The following ROBO2 variants were observed in gnomAD, a reference collection of about 807,000 sequenced individuals.
ROBO2 encodes roundabout homolog 2.
A neutral mutation model predicts 160.8 loss-of-function variants in ROBO2; 53 were observed. That is an observed-to-expected ratio of 0.33 (90% CI 0.26 to 0.41). ROBO2 has a LOEUF of 0.41. ROBO2 is among the 10% of genes least tolerant of loss of function. The pLI, the probability that ROBO2 is intolerant of heterozygous loss-of-function variation, is 1.00. For synonymous variants in ROBO2, 664 were observed against 611.7 expected (o/e 1.09, Z -1.26); for missense variants, 1,577 against 1,722.4 (o/e 0.92, Z 1.49).
intron 2 of ROBO2, among the ~76,000 whole-genome samples, chr3:76,205,247 T>C (rs549012332): frequency 6.6e-6 from 1 of 152,340 alleles, no homozygotes; most frequent in African/African-American, 2.4e-5. Context: ...TATTATTTTG[T>C]ACCCGTGAGT....
intron 2 of ROBO2, among the ~76,000 whole-genome samples, chr3:76,344,113 AT>A (rs1431074666): frequency 1.3e-5 from 2 of 152,166 alleles, no homozygotes; most frequent in African/African-American, 4.8e-5. Context: ...CTTTAAAAAA[AT>A]AATTTCTACT....
At chr3:76,755,181 T>G (rs993880555) in intron 2 of ROBO2, among the ~76,000 whole-genome samples, 1 of 151,928 alleles carries the variant, frequency 6.6e-6, no homozygotes, top group Admixed American at 6.6e-5. Flanking sequence ...TTCTAATACA[T>G]ATTAAAATCT....
intron 2 of ROBO2, among the ~76,000 whole-genome samples, chr3:75,996,267 T>C (rs113767612): frequency 0.016 from 2,464 of 152,254 alleles, 65 homozygotes; most frequent in African/African-American, 0.056. Context: ...TGGGAGGCAA[T>C]TGAATCATGT....
At chr3:77,051,602 G>A (rs1468474963) in intron 1 of ROBO2, among the ~76,000 whole-genome samples, 2 of 152,196 alleles carry the variant, frequency 1.3e-5, no homozygotes, top group African/African-American at 2.4e-5. Context: ...TTTCTTTTCA[G>A]AAAGCAGTTT....
intron 2 of ROBO2, among the ~76,000 whole-genome samples, chr3:76,824,099 G>A (rs190301219): frequency 6.6e-6 from 1 of 152,132 alleles, no homozygotes; most frequent in African/African-American, 2.4e-5. Context: ...CATGGTCAAA[G>A]CTGGGTCACC....
chr3:77,299,657 A>G (rs796819932), intron 2 of ROBO2, among the ~76,000 whole-genome samples: 16 of 152,258 alleles, frequency 1.1e-4, no homozygotes, highest in African/African-American at 3.9e-4. Context: ...GTTCTCTTCC[A>G]TGATACGTGG....
intron 2 of ROBO2, among the ~76,000 whole-genome samples, chr3:76,140,870 G>GT (rs140873827): frequency 0.015 from 2,264 of 149,186 alleles, 59 homozygotes; most frequent in African/African-American, 0.052. Flanking sequence ...TATTGTATGT[G>GT]TTTTTTTCAA....
chr3:76,863,081 A>T (rs886459449), intron 2 of ROBO2, among the ~76,000 whole-genome samples: 1 of 152,140 alleles, frequency 6.6e-6, no homozygotes, highest in Non-Finnish European at 1.5e-5. Context: ...ATTTCTTATT[A>T]TAAAGGGCAA....
intron 2 of ROBO2, among the ~76,000 whole-genome samples, chr3:77,291,923 A>T (rs2061329804): frequency 6.6e-6 from 1 of 151,822 alleles, no homozygotes; most frequent in South Asian, 2.1e-4. Context: ...CCCAGACGTG[A>T]AGTAAAATTG....
chr3:76,916,508 A>ATTT (rs1240222427), intron 2 of ROBO2, among the ~76,000 whole-genome samples: 1 of 147,378 alleles, frequency 6.8e-6, no homozygotes, highest in Non-Finnish European at 1.5e-5. Context: ...TGCCCCACTA[A>ATTT]TTTTTTTATT....
At chr3:76,362,922 G>T (rs1192329046) in intron 2 of ROBO2, among the ~76,000 whole-genome samples, 1 of 152,006 alleles carries the variant, frequency 6.6e-6, no homozygotes, top group East Asian at 1.9e-4. Flanking sequence ...ATTCTTGCTT[G>T]TCCTTCTGGG....
intron 2 of ROBO2, among the ~76,000 whole-genome samples, chr3:77,234,527 C>T (rs1257716310): frequency 6.6e-6 from 1 of 151,848 alleles, no homozygotes; most frequent in Admixed American, 6.6e-5. Flanking sequence ...TTCAGCAATC[C>T]TTGAAATGAA....
chr3:77,415,740 A>G (rs2077164461), intron 2 of ROBO2, among the ~76,000 whole-genome samples: 1 of 152,054 alleles, frequency 6.6e-6, no homozygotes, highest in African/African-American at 2.4e-5. Context: ...GTGGCATCGG[A>G]AAACTCAGAG....
chr3:76,562,469 C>A (rs900828352), intron 2 of ROBO2, among the ~76,000 whole-genome samples: 3 of 149,496 alleles, frequency 2.0e-5, no homozygotes, highest in Non-Finnish European at 4.5e-5. Context: ...CTCTCTCAAC[C>A]TTTTCCATTC....
intron 2 of ROBO2, among the ~76,000 whole-genome samples, chr3:76,315,733 A>G (rs997913382): frequency 1.3e-5 from 2 of 152,202 alleles, no homozygotes; most frequent in African/African-American, 2.4e-5. Flanking sequence ...TAAAACCAGT[A>G]TCTCACATTC....
intron 2 of ROBO2, among the ~76,000 whole-genome samples, chr3:77,409,739 G>A (rs1193583694): frequency 6.6e-6 from 1 of 152,156 alleles, no homozygotes; most frequent in Non-Finnish European, 1.5e-5. Context: ...CATTAAAAAT[G>A]TTCTGGCAGC....
chr3:75,983,455 T>C (rs2065332571), intron 2 of ROBO2, among the ~76,000 whole-genome samples: 1 of 151,374 alleles, frequency 6.6e-6, no homozygotes, highest in East Asian at 1.9e-4. Context: ...TAAACTTATG[T>C]GGTGTACGTT....
chr3:76,131,779 A>G (rs1366533937), intron 2 of ROBO2, among the ~76,000 whole-genome samples: 2 of 152,156 alleles, frequency 1.3e-5, no homozygotes, highest in Non-Finnish European at 1.5e-5. Flanking sequence ...TCTTCTGAGC[A>G]TGATTGGAGT....
chr3:76,112,757 G>C (rs1243746324), intron 2 of ROBO2, among the ~76,000 whole-genome samples: 1 of 151,894 alleles, frequency 6.6e-6, no homozygotes, highest in Non-Finnish European at 1.5e-5. Context: ...ATGTGATTGA[G>C]ATTTTATAAT....
Sources: gnomAD v4.1 joint callset for allele counts (sites outside exome capture counted in the v4.1 genomes callset) on GRCh38, gnomAD v4.1.1 for gene constraint, MANE v1.5 for transcripts, NCBI Gene and HGNC (gene_info 2026-07-23, HGNC 2026-07-21) for gene names.